RALA: variants seen among roughly 807,000 people sequenced by gnomAD.
RALA encodes RAS like proto-oncogene A, also known as ras-related protein Ral-A.
A neutral mutation model predicts 24.0 loss-of-function variants in RALA; 5 were observed. That is an observed-to-expected ratio of 0.21 (90% CI 0.11 to 0.44). The LOEUF is 0.44. RALA is among the 20% of genes least tolerant of loss of function. The pLI, the probability that RALA is intolerant of heterozygous loss-of-function variation, is 0.99. For synonymous variants in RALA, 77 were observed against 83.8 expected (o/e 0.92, Z 0.44); for missense variants, 95 against 241.2 (o/e 0.39, Z 4.01).
chr7:39,637,949 C>T (rs1424775353), intron 1 of RALA, among the ~76,000 whole-genome samples: 4 of 152,222 alleles, frequency 2.6e-5, no homozygotes, highest in Non-Finnish European at 2.9e-5. Context: ...AGAATAAAGG[C>T]ATTCTCCTGC....
intron 1 of RALA, among the ~76,000 whole-genome samples, chr7:39,665,981 A>G (rs1320566958): frequency 1.3e-5 from 2 of 152,268 alleles, no homozygotes; most frequent in Non-Finnish European, 2.9e-5. Flanking sequence ...GTTTCATGAG[A>G]TAATTAAGTA....
At chr7:39,689,398 A>G (rs956688482) in intron 2 of RALA, among the ~76,000 whole-genome samples, 4 of 152,222 alleles carry the variant, frequency 2.6e-5, no homozygotes, top group African/African-American at 9.7e-5. Context: ...CCATTTTTAA[A>G]ATAATTATTT....
At chr7:39,664,741 G>A (rs1792254719) in intron 1 of RALA, among the ~76,000 whole-genome samples, 2 of 151,946 alleles carry the variant, frequency 1.3e-5, no homozygotes, top group South Asian at 4.1e-4. Flanking sequence ...CGAATGTTGT[G>A]TATGACTTCA....
chr7:39,706,769 A>T lies in RALA; in HGVS notation c.*524A>T, dbSNP rs1267821876. 1 of 152,554 alleles carries T rather than the reference A, an allele frequency of 6.6e-6. No individual in the cohort carries two copies. The highest frequency in any genetic ancestry group is 1.5e-5 in the Non-Finnish European group (1 of 68,076). The allele number at this position is 152,554 out of a possible 1,614,324, so 9.5% of individuals were successfully genotyped here. ...TTAAACTGAGAGTAATTCATCTGTGAATCTGCTTTAATTACCTGGTGAGTA... is the reference window on the plus strand; with the variant it reads ...TTAAACTGAGAGTAATTCATCTGTGTATCTGCTTTAATTACCTGGTGAGTA... On this transcript the variant is annotated 3_prime_UTR_variant, in exon 5 of 5. Coordinates refer to ENST00000005257, the MANE Select transcript of RALA (RefSeq NM_005402.4).
chr7:39,699,129 T>A (rs1347843756), intron 4 of RALA, among the ~76,000 whole-genome samples: 6 of 110,764 alleles, frequency 5.4e-5, no homozygotes, highest in Admixed American at 4.2e-4. Flanking sequence ...TTATTTTTTT[T>A]TTTTTTTTTT....
intron 4 of RALA, among the ~76,000 whole-genome samples, chr7:39,698,419 G>A (rs1792959815): frequency 6.6e-6 from 1 of 151,986 alleles, no homozygotes. Context: ...CTGCTTCATA[G>A]GATTATTGTA....
intron 4 of RALA, chr7:39,697,418 C>G (rs1380711219): frequency 4.4e-6 from 2 of 456,712 alleles, no homozygotes; most frequent in South Asian, 3.1e-5. Flanking sequence ...AGTGGCCCTT[C>G]CTGAAGACCA....
At chr7:39,626,173 C>T (rs1490432446) in intron 1 of RALA, among the ~76,000 whole-genome samples, 1 of 152,162 alleles carries the variant, frequency 6.6e-6, no homozygotes, top group Non-Finnish European at 1.5e-5. Flanking sequence ...TTAGATTTTC[C>T]TTCTTTAATT....
intron 1 of RALA, among the ~76,000 whole-genome samples, chr7:39,649,921 G>A (rs575247127): frequency 1.2e-4 from 18 of 152,288 alleles, no homozygotes; most frequent in Middle Eastern, 3.4e-3. Flanking sequence ...GAGGTATAAC[G>A]AAGATTGAAA....
chr7:39,642,871 T>G (rs1335612199), intron 1 of RALA, among the ~76,000 whole-genome samples: 3 of 152,240 alleles, frequency 2.0e-5, no homozygotes, highest in Non-Finnish European at 2.9e-5. Flanking sequence ...ACTTTCCCAC[T>G]GGTTTCCCAA....
At chr7:39,643,653 C>T (rs577419965) in intron 1 of RALA, among the ~76,000 whole-genome samples, 2 of 150,974 alleles carry the variant, frequency 1.3e-5, no homozygotes. Context: ...GTCAGGAGTT[C>T]GAGACCAGCC....
intron 2 of RALA, among the ~76,000 whole-genome samples, chr7:39,689,705 C>T (rs1792781016): frequency 6.6e-6 from 1 of 152,130 alleles, no homozygotes; most frequent in African/African-American, 2.4e-5. Context: ...TTATTTGAGC[C>T]CAGGAGTTCA....
chr7:39,662,213 A>G (rs1354310263), intron 1 of RALA, among the ~76,000 whole-genome samples: 2 of 147,296 alleles, frequency 1.4e-5, no homozygotes, highest in Non-Finnish European at 3.0e-5. Context: ...GGCTGCCACA[A>G]AGGTCTCTGA....
At chr7:39,691,472 A>G (rs1403300792) in intron 3 of RALA, among the ~76,000 whole-genome samples, 1 of 152,210 alleles carries the variant, frequency 6.6e-6, no homozygotes, top group Non-Finnish European at 1.5e-5. Flanking sequence ...AAGTAGGAAC[A>G]TGGGCAGTGG....
rs185281478 is a variant in RALA, at chr7:39,652,745, T to A, written c.-38+28920T>A. On this transcript the variant is annotated intron_variant, in intron 1 of 4. Transcript: ENST00000005257. The stretch of plus-strand genomic sequence containing the variant: ...GGATTTGAATTTCTTTGTAGTCAAA[T>A]CTTGATGTAGTTGAATTAATTAATT... Among the ~76,000 whole-genome samples, 41 of 151,640 alleles carry A rather than the reference T, an allele frequency of 2.7e-4. No individual in the cohort carries two copies. In the East Asian group the frequency reaches 7.7e-3, roughly 28 times the overall value.
At chr7:39,644,949 A>G (rs969370917) in intron 1 of RALA, among the ~76,000 whole-genome samples, 9 of 152,236 alleles carry the variant, frequency 5.9e-5, no homozygotes, top group African/African-American at 2.2e-4. Flanking sequence ...TATACAATAC[A>G]TTTAATCACG....
chr7:39,685,347 A>G (rs1481114423), intron 1 of RALA, among the ~76,000 whole-genome samples: 3 of 152,244 alleles, frequency 2.0e-5, no homozygotes, highest in African/African-American at 7.2e-5. Context: ...CAGCTGAGCT[A>G]GGAAAGATTG....
chr7:39,639,930 T>C (rs1470431909), intron 1 of RALA, among the ~76,000 whole-genome samples: 1 of 152,214 alleles, frequency 6.6e-6, no homozygotes, highest in Non-Finnish European at 1.5e-5. Context: ...CTTATTTCAT[T>C]AAAACCGAAT....
chr7:39,666,732 A>G (rs938475730), intron 1 of RALA, among the ~76,000 whole-genome samples: 67 of 152,180 alleles, frequency 4.4e-4, no homozygotes, highest in African/African-American at 1.4e-3. Context: ...TTGGCTATTC[A>G]CCCGCAGTTC....
Sources: gnomAD v4.1 joint callset for allele counts (sites outside exome capture counted in the v4.1 genomes callset) on GRCh38, gnomAD v4.1.1 for gene constraint, MANE v1.5 for transcripts, NCBI Gene and HGNC (gene_info 2026-07-23, HGNC 2026-07-21) for gene names.